Variants in SORBS2 observed in about 807,000 individuals in gnomAD.
SORBS2 encodes the protein sorbin and SH3 domain containing 2.
In SORBS2, 46 loss-of-function variants were observed where a neutral mutation model predicts 97.7. The observed-to-expected ratio is 0.47, with a 90% CI of 0.37 to 0.60. SORBS2 has a LOEUF of 0.60. Ranked by LOEUF, SORBS2 falls within the 20% of genes least tolerant of loss-of-function variation. The pLI is 0.00. For synonymous variants in SORBS2, 476 were observed against 473.4 expected, an observed-to-expected ratio of 1.01 and a Z score of -0.07; for missense variants, 1,316 against 1,282.3, an observed-to-expected ratio of 1.03 and a Z score of -0.40.
chr4:185,932,406 T>A (rs2099266937), intron 1 of SORBS2, among the ~76,000 whole-genome samples: 1 of 151,722 alleles, frequency 6.6e-6, no homozygotes, highest in Non-Finnish European at 1.5e-5. Flanking sequence ...CGTGATTCGA[T>A]GATAGTCTTA....
At chr4:185,635,742 T>A (rs2096985836) in intron 4 of SORBS2, among the ~76,000 whole-genome samples, 1 of 152,230 alleles carries the variant, frequency 6.6e-6, no homozygotes, top group South Asian at 2.1e-4. Context: ...AAGGAGCAAG[T>A]GGATAGCATG....
At chr4:185,938,353 A>C (rs1428042406) in intron 1 of SORBS2, among the ~76,000 whole-genome samples, 1 of 149,876 alleles carries the variant, frequency 6.7e-6, no homozygotes, top group Non-Finnish European at 1.5e-5. Flanking sequence ...ATCTAGGGGA[A>C]CCTAGGATCC....
chr4:185,631,051 T>C (rs1484421642), intron 4 of SORBS2, among the ~76,000 whole-genome samples: 17 of 152,222 alleles, frequency 1.1e-4, no homozygotes. Context: ...GTTTTTGTTA[T>C]TGTTGTTACC....
intron 1 of SORBS2, among the ~76,000 whole-genome samples, chr4:185,905,900 A>AATC (rs1313323749): frequency 3.3e-5 from 5 of 152,206 alleles, no homozygotes; most frequent in African/African-American, 1.2e-4. Flanking sequence ...CTGTCATGAG[A>AATC]ATCAACACAA....
intron 1 of SORBS2, among the ~76,000 whole-genome samples, chr4:185,942,930 A>C (rs1286812871): frequency 6.6e-6 from 1 of 152,234 alleles, no homozygotes; most frequent in Non-Finnish European, 1.5e-5. Context: ...GTGACTGAAA[A>C]AAATGTGGTT....
In SORBS2 at chr4:185,894,957, G is replaced by A. The variant is rs150700437; in HGVS notation, c.-338+61239C>T. ...AGCCGGGGATGCCTCCTGACACCCC[G>A]GCTGGGCCCATGTCCATGCTGCCAT... On this transcript the variant is annotated intron_variant, in intron 1 of 20. Coordinates refer to the SORBS2 transcript ENST00000284776. Among the ~76,000 whole-genome samples, 1,027 of 152,296 alleles carry A rather than the reference G, an allele frequency of 6.7e-3. 8 individuals are homozygous for A. Among genetic ancestry groups the A allele is most frequent in the Non-Finnish European group, 8.7e-3 (593 of 68,020 alleles).
chr4:185,711,138 C>A (rs376612212), intron 2 of SORBS2, among the ~76,000 whole-genome samples: 19 of 70,462 alleles, frequency 2.7e-4, no homozygotes, highest in African/African-American at 6.2e-4. Flanking sequence ...CTCAGCAAAT[C>A]TTTTCATTTT....
intron 1 of SORBS2, among the ~76,000 whole-genome samples, chr4:185,852,724 G>A (rs564655765): frequency 3.3e-4 from 51 of 152,256 alleles, no homozygotes; most frequent in Non-Finnish European, 4.6e-4. Context: ...TCAGTAGAGC[G>A]GGCTTCTCAA....
At chr4:185,728,915 G>A (rs1226603519) in intron 2 of SORBS2, among the ~76,000 whole-genome samples, 1 of 152,228 alleles carries the variant, frequency 6.6e-6, no homozygotes, top group Non-Finnish European at 1.5e-5. Context: ...CACACGAGGA[G>A]CCAAATGCAT....
chr4:185,642,622 T>C (rs1490563166), intron 4 of SORBS2, among the ~76,000 whole-genome samples: 1 of 152,212 alleles, frequency 6.6e-6, no homozygotes, highest in Non-Finnish European at 1.5e-5. Context: ...GCCCAATTAA[T>C]TAACATTTCT....
At chr4:185,662,104 C>A (rs761261656) in exon 5 of SORBS2, 2 of 1,613,816 alleles carry the variant, frequency 1.2e-6, no homozygotes, top group African/African-American at 1.3e-5. Flanking sequence ...AATTACTTAC[C>A]GAGGGATGTG....
intron 4 of SORBS2, among the ~76,000 whole-genome samples, chr4:185,663,244 A>G (rs1200321450): frequency 6.6e-6 from 1 of 152,248 alleles, no homozygotes; most frequent in Non-Finnish European, 1.5e-5. Context: ...AAGAAGCATA[A>G]TTTGTGAAAC....
intron 4 of SORBS2, among the ~76,000 whole-genome samples, chr4:185,669,359 CGAT>C (rs1561811108): frequency 6.6e-6 from 1 of 152,164 alleles, no homozygotes; most frequent in East Asian, 1.9e-4. Flanking sequence ...CCTTGAAACA[CGAT>C]GAAAATTAAA....
At chr4:185,739,812 A>G (rs1384009852) in intron 2 of SORBS2, among the ~76,000 whole-genome samples, 1 of 152,204 alleles carries the variant, frequency 6.6e-6, no homozygotes, top group Non-Finnish European at 1.5e-5. Context: ...TCAAAGATTA[A>G]TGATACACTA....
intron 1 of SORBS2, among the ~76,000 whole-genome samples, chr4:185,874,317 C>T (rs189014782): frequency 1.3e-5 from 2 of 152,064 alleles, no homozygotes; most frequent in Non-Finnish European, 2.9e-5. Context: ...ATGCATAACT[C>T]GAGGAGAAAA....
exon 3 of SORBS2, chr4:185,649,481 C>A: frequency 6.3e-7 from 1 of 1,585,654 alleles, no homozygotes; most frequent in Non-Finnish European, 8.6e-7. Flanking sequence ...CTGTTGAAGA[C>A]CGATCTCTTG....
At chr4:185,749,365 G>C (rs1584065280) in intron 2 of SORBS2, among the ~76,000 whole-genome samples, 1 of 152,228 alleles carries the variant, frequency 6.6e-6, no homozygotes, top group Non-Finnish European at 1.5e-5. Context: ...AGATTTAATT[G>C]TTTTGATCTT....
chr4:185,927,169 GTATACATATTATATATAATAT>G (rs1294801668), intron 1 of SORBS2, among the ~76,000 whole-genome samples: 6 of 147,852 alleles, frequency 4.1e-5, no homozygotes, highest in African/African-American at 9.9e-5. Flanking sequence ...CATACATAAG[GTATACATATTATATATAATAT>G]TATACATATT....
At chr4:185,658,692 C>CTTTTT (rs35439018), upstream of SORBS2, among the ~76,000 whole-genome samples, 3 of 115,986 alleles carry the variant, frequency 2.6e-5, no homozygotes, top group East Asian at 2.4e-4. Flanking sequence ...AATAAGTAAG[C>CTTTTT]TTTTTTTTTT....
Sources: allele counts gnomAD v4.1 joint callset (sites outside exome capture counted in the v4.1 genomes callset), GRCh38; gene constraint gnomAD v4.1.1; transcripts MANE v1.5; gene names NCBI Gene and HGNC (gene_info 2026-07-23, HGNC 2026-07-21).